ACTR8: variants seen among roughly 807,000 people sequenced by gnomAD.
ACTR8 encodes actin-related protein 8.
A neutral mutation model predicts 84.3 loss-of-function variants in ACTR8; 70 were observed. The observed-to-expected ratio is 0.83, with a 90% CI of 0.68 to 1.01. ACTR8 has a LOEUF of 1.01. Among genes scored for constraint, ACTR8 ranks in the 50% least tolerant of loss-of-function variants. ACTR8 has a pLI of 0.00. For missense variants in ACTR8, 672 were observed against 775.4 expected, an observed-to-expected ratio of 0.87 and a Z score of 1.58; for synonymous variants, 268 against 275.2, an observed-to-expected ratio of 0.97 and a Z score of 0.26.
chr3:53,870,401 C>G lies in ACTR8; in HGVS notation c.1568-256G>C. The G allele has an allele frequency of 2.3e-6, 1 of 438,388 alleles. No homozygotes were observed. The highest frequency in any genetic ancestry group is 4.1e-6 in the Non-Finnish European group (1 of 243,974). 27.2% of individuals were successfully genotyped at this position (438,388 alleles called of 1,614,324 possible). ...AGCATGGTGGCTCACGCCTGTAATC[C>G]CAGCACTTTGGGAGGCCAAGGCAGG... On this transcript the variant is annotated intron_variant, in intron 11 of 12. Coordinates refer to ENST00000335754, the MANE Select transcript of ACTR8 (RefSeq NM_022899.5). The surrounding 1 kb of genome is among the most constrained non-coding windows in gnomAD (Gnocchi z 4.1).
Position 53,879,925 on chromosome 3 carries a change from C to A in ACTR8, c.294+14G>T. ...ACAACCTTAGGCTTTCTCTCCAGGTCGTTTTTGACTTACATTTAGTCCCTC... is the reference window on the plus strand; with the variant it reads ...ACAACCTTAGGCTTTCTCTCCAGGTAGTTTTTGACTTACATTTAGTCCCTC... On this transcript the variant is annotated intron_variant, in intron 2 of 12. Transcript: ENST00000335754. 6.3e-7 allele frequency: 1 copy of A among 1,596,620 alleles called. No homozygotes were observed. The highest frequency in any genetic ancestry group is 1.1e-5 in the South Asian group (1 of 89,928).
intron 3 of ACTR8, 72 bp from the exon 4 acceptor site, chr3:53,877,823 TTC>T: frequency 7.6e-7 from 1 of 1,316,688 alleles, no homozygotes; most frequent in South Asian, 1.3e-5. Context: ...TCTCCTTTTC[TTC>T]TCTCTCACAT....
rs956731743 is a variant in ACTR8, at chr3:53,877,628, T to C, written c.510+19A>G. On this transcript the variant is annotated intron_variant, in intron 4 of 12. Coordinates refer to ENST00000335754, the MANE Select transcript of ACTR8 (RefSeq NM_022899.5). ...ATCAGCTTCCCCTTCTTTCATTCTA[T>C]TGTAAAGAAGTTTCTTACCTCTTCT... 1.3e-6 allele frequency: 2 copies of C among 1,595,026 alleles called. No individual in the cohort carries two copies. Among genetic ancestry groups the C allele is most frequent in the East Asian group, 2.2e-5 (1 of 44,794 alleles).
Position 53,876,666 on chromosome 3 carries a change from A to C in ACTR8, c.732T>G (p.His244Gln). ...GTATCATATTCACTAGTTCTTTCACATGCTGCTTATTATAGATATCAGGAA... is the reference window on the plus strand; with the variant it reads ...GTATCATATTCACTAGTTCTTTCACCTGCTGCTTATTATAGATATCAGGAA... ...LLIPDIYNKQHVKELVNMILM... is the reference protein window; with the variant it reads ...LLIPDIYNKQQVKELVNMILM... Residue 244 changes from histidine to glutamine, a missense_variant, in exon 6 of 13, where the codon CAT (histidine) becomes CAG (glutamine). Coordinates refer to ENST00000335754, the MANE Select transcript of ACTR8 (RefSeq NM_022899.5). 6.3e-7 allele frequency: 1 copy of C among 1,576,890 alleles called. No homozygotes were observed. Among genetic ancestry groups the C allele is most frequent in the Non-Finnish European group, 8.7e-7 (1 of 1,152,868 alleles).
At position 53,876,082 on chromosome 3, in the gene ACTR8, T is replaced by TA. The variant is rs370490982; in HGVS notation, c.779-3_779-2insT. 1 of 1,578,916 alleles carries TA rather than the reference T, an allele frequency of 6.3e-7. No homozygotes were observed. Among genetic ancestry groups the TA allele is most frequent in the East Asian group, 2.4e-5 (1 of 42,216 alleles). The stretch of plus-strand genomic sequence containing the variant: ...CAGACTCCTGATGGACCACAATCCC[T>TA]GGGGGGGGAAAAGAAAAGGCAGAGT... On this transcript the variant is annotated splice_region_variant and splice_polypyrimidine_tract_variant and intron_variant, in intron 6 of 12. Coordinates refer to ENST00000335754, the MANE Select transcript of ACTR8 (RefSeq NM_022899.5).
chr3:53,871,815 T>C lies in ACTR8; in HGVS notation c.1303-319A>G, dbSNP rs75298699. 8.2e-3 allele frequency among the ~76,000 whole-genome samples: 1,247 copies of C among 152,270 alleles called. 6 individuals are homozygous for C. Among genetic ancestry groups the C allele is most frequent in the African/African-American group, 0.013 (523 of 41,550 alleles). On this transcript the variant is annotated intron_variant, in intron 10 of 12. Coordinates refer to ENST00000335754, the MANE Select transcript of ACTR8 (RefSeq NM_022899.5). ...CCGTGCCCTGAGTTTTTAAATGGAGTATTCCAGTGGGATTCATGGGCCATG... is the reference window on the plus strand; with the variant it reads ...CCGTGCCCTGAGTTTTTAAATGGAGCATTCCAGTGGGATTCATGGGCCATG...
At chr3:53,871,886 G>A (rs1016504203) in intron 10 of ACTR8, among the ~76,000 whole-genome samples, 1 of 152,194 alleles carries the variant, frequency 6.6e-6, no homozygotes, top group Non-Finnish European at 1.5e-5. Flanking sequence ...TCCACCTCAT[G>A]CCTGCCTCTG....
chr3:53,874,094 G>A, intron 8 of ACTR8, 117 bp downstream of exon 8: 3 of 1,102,608 alleles, frequency 2.7e-6, no homozygotes. Context: ...AAAGTGCTGG[G>A]ATTACAGGCA....
chr3:53,876,047 G>A lies in ACTR8; in HGVS notation c.812C>T (p.Thr271Ile), dbSNP rs756677285. The A allele has an allele frequency of 6.2e-6, 10 of 1,613,306 alleles. No individual in the cohort carries two copies. The Admixed American group carries it at 8.3e-5, about 13-fold the overall frequency. Residue 271 changes from threonine (T) to isoleucine (I), a missense_variant, in exon 7 of 13, where the codon ACC becomes ATC. By Grantham distance (89) the Thr-to-Ile change is moderately conservative. Transcript: ENST00000335754. ...IVVHQESVCA[T>I]YGSGLSSTCI... The stretch of plus-strand genomic sequence containing the variant: ...CGTGCTGCTTAAGCCACTTCCATAG[G>A]TGGCACACACAGACTCCTGATGGAC...
intron 1 of ACTR8, among the ~76,000 whole-genome samples, chr3:53,880,721 G>A (rs1473602984): frequency 6.6e-6 from 1 of 152,162 alleles, no homozygotes; most frequent in African/African-American, 2.4e-5. Flanking sequence ...TAATCTACTG[G>A]CTGGGCCTCC....
At chr3:53,863,385 AAGGC>A (rs1699639900), downstream of ACTR8, among the ~76,000 whole-genome samples, 1 of 151,158 alleles carries the variant, frequency 6.6e-6, no homozygotes, top group African/African-American at 2.4e-5. Context: ...TACTCAGCTC[AAGGC>A]AGAGCTATTA....
At chr3:53,872,660 G>T in intron 9 of ACTR8, 136 bp from the exon 10 acceptor site, 1 of 1,122,514 alleles carries the variant, frequency 8.9e-7, no homozygotes, top group Non-Finnish European at 1.2e-6. Context: ...TTCTCTTTCG[G>T]GAGTGGCATT....
the ACTR8 span, chr3:53,859,925 G>A: frequency 2.2e-6 from 1 of 456,658 alleles, no homozygotes; most frequent in Non-Finnish European, 3.9e-6. Flanking sequence ...AGGCAGCATT[G>A]CTTGAACCCG....
chr3:53,873,063 T>G lies in ACTR8; in HGVS notation c.1130A>C (p.Tyr377Ser), dbSNP rs1038994053. The G allele has an allele frequency of 3.7e-6, 6 of 1,611,700 alleles. No individual in the cohort carries two copies. Among genetic ancestry groups the G allele is most frequent in the Non-Finnish European group, 5.1e-6 (6 of 1,178,654 alleles). ...TTTTTCATCTCCTAATCGAAACTGG[T>G]AAAGCAGGGCAGGAGAATCAGGATG... ...IRHPDSPALLYQFRLGDEKLQ... is the reference protein window; with the variant it reads ...IRHPDSPALLSQFRLGDEKLQ... The change falls in exon 9 of 13, where the codon TAC (tyrosine) becomes TCC (serine). Residue 377 changes from tyrosine to serine, a missense_variant. Coordinates refer to ENST00000335754, the MANE Select transcript of ACTR8 (RefSeq NM_022899.5).
intron 1 of ACTR8, chr3:53,881,518 T>C: frequency 4.9e-6 from 1 of 204,650 alleles, no homozygotes; most frequent in Non-Finnish European, 1.0e-5. Flanking sequence ...TTCCATTATC[T>C]GAGATTTCCT....
chr3:53,881,333 T>C (rs76277912), intron 1 of ACTR8, among the ~76,000 whole-genome samples: 12,792 of 152,216 alleles, frequency 0.084, 688 homozygotes, highest in East Asian at 0.23. Flanking sequence ...TAGTTACTGA[T>C]CAGTAAGGTT....
At position 53,877,976 on chromosome 3, in the gene ACTR8, C is replaced by A. The variant is rs567844530; in HGVS notation, c.406-225G>T. On this transcript the variant is annotated intron_variant, in intron 3 of 12. Coordinates refer to ENST00000335754, the MANE Select transcript of ACTR8 (RefSeq NM_022899.5). ...CCTAGGCTGTGATTCACAGCCAGTC[C>A]AAAATTAACACTAAACGCTGCTTAA... is the stretch of plus-strand genomic sequence containing the variant. 1.4e-4 allele frequency among the ~76,000 whole-genome samples: 21 copies of A among 152,190 alleles called. No homozygotes were observed. The South Asian group carries it at 4.4e-3, about 32-fold the overall frequency.
chr3:53,864,332 C>A (rs868812928), downstream of ACTR8, among the ~76,000 whole-genome samples: 1 of 152,154 alleles, frequency 6.6e-6, no homozygotes, highest in Non-Finnish European at 1.5e-5. Context: ...GTCAGGAGAT[C>A]GAGACCATCC....
intron 2 of ACTR8, 121 bp from the exon 3 acceptor site, chr3:53,878,588 T>C: frequency 1.5e-6 from 1 of 688,310 alleles, no homozygotes; most frequent in Non-Finnish European, 2.6e-6. Context: ...AGCGTTTCCT[T>C]AATCTTTATC....
Sources: allele counts gnomAD v4.1 joint callset (sites outside exome capture counted in the v4.1 genomes callset), GRCh38; gene constraint gnomAD v4.1.1; non-coding constraint Gnocchi (gnomAD v3.1); transcripts MANE v1.5; gene names NCBI Gene and HGNC (gene_info 2026-07-23, HGNC 2026-07-21).